SMARCA2: variants seen among roughly 807,000 people sequenced by gnomAD.
SMARCA2 encodes the protein SWI/SNF related BAF chromatin remodeling complex subunit ATPase 2, also known as SWI/SNF-related matrix-associated actin-dependent regulator of chromatin subfamily A member 2.
Under a neutral mutation model 199.8 loss-of-function variants are expected in SMARCA2, and 61 were observed. That is an observed-to-expected ratio of 0.31 (90% CI 0.25 to 0.38). SMARCA2 has a LOEUF of 0.38. SMARCA2 is among the 10% of genes least tolerant of loss of function. SMARCA2 has a pLI of 1.00. For missense variants in SMARCA2, 1,344 were observed against 2,012.2 expected, an observed-to-expected ratio of 0.67 and a Z score of 6.35; for synonymous variants, 935 against 732.0, an observed-to-expected ratio of 1.28 and a Z score of -4.48.
At chr9:2,132,066 C>G (rs1221245748) in intron 27 of SMARCA2, among the ~76,000 whole-genome samples, 1 of 152,074 alleles carries the variant, frequency 6.6e-6, no homozygotes, top group East Asian at 1.9e-4. Context: ...CTGCAATAAG[C>G]TCTCTGAGTT....
At chr9:2,067,142 C>T (rs564964400) in intron 9 of SMARCA2, among the ~76,000 whole-genome samples, 1 of 152,180 alleles carries the variant, frequency 6.6e-6, no homozygotes, top group African/African-American at 2.4e-5. Flanking sequence ...GGCATGCTTG[C>T]GAGGAAAGTC....
chr9:2,049,690 G>A (rs920010897), intron 5 of SMARCA2, among the ~76,000 whole-genome samples: 1 of 152,294 alleles, frequency 6.6e-6, no homozygotes, highest in East Asian at 1.9e-4. Context: ...TGGTTACAGA[G>A]CAATAGCTCT....
chr9:2,024,523 T>C (rs1818742901), intron 1 of SMARCA2, among the ~76,000 whole-genome samples: 1 of 152,216 alleles, frequency 6.6e-6, no homozygotes, highest in South Asian at 2.1e-4. Context: ...TTTCAGTTGA[T>C]GACATGGTCT....
chr9:2,144,047 CT>C (rs1242744598), intron 27 of SMARCA2, among the ~76,000 whole-genome samples: 1 of 151,850 alleles, frequency 6.6e-6, no homozygotes, highest in Non-Finnish European at 1.5e-5. Flanking sequence ...CGTACATACC[CT>C]TTTCATAGGG....
intron 27 of SMARCA2, among the ~76,000 whole-genome samples, chr9:2,150,473 G>A (rs7853899): frequency 0.74 from 112,341 of 151,076 alleles, 42,909 homozygotes; most frequent in Middle Eastern, 0.82. Flanking sequence ...TGATACAGAA[G>A]ATGGCAGCGC....
intron 13 of SMARCA2, among the ~76,000 whole-genome samples, 200 bp from the exon 14 acceptor site, chr9:2,077,429 G>A (rs1821376269): frequency 2.6e-5 from 4 of 152,150 alleles, no homozygotes; most frequent in South Asian, 2.1e-4. Context: ...ATAAAATGGG[G>A]ATGATCATCA....
At chr9:2,069,283 T>C (rs1291946990) in intron 9 of SMARCA2, among the ~76,000 whole-genome samples, 2 of 151,486 alleles carry the variant, frequency 1.3e-5, no homozygotes, top group African/African-American at 2.4e-5. Flanking sequence ...TGGACTAAGA[T>C]ATTGGGATAT....
intron 22 of SMARCA2, among the ~76,000 whole-genome samples, chr9:2,101,851 A>G (rs1306108814): frequency 2.0e-5 from 3 of 152,248 alleles, no homozygotes; most frequent in African/African-American, 7.2e-5. Context: ...TAATAGACTT[A>G]ATAGTATCCT....
At chr9:2,148,866 G>T (rs921724618) in intron 27 of SMARCA2, among the ~76,000 whole-genome samples, 3 of 151,244 alleles carry the variant, frequency 2.0e-5, no homozygotes. Context: ...TCTCTCCTGC[G>T]CAAATCCTTG....
intron 1 of SMARCA2, among the ~76,000 whole-genome samples, chr9:2,028,381 C>T (rs994936910): frequency 1.3e-5 from 2 of 152,188 alleles, no homozygotes; most frequent in African/African-American, 4.8e-5. Flanking sequence ...AAAGAAGAAA[C>T]ATTAAATAAC....
chr9:2,141,959 C>A (rs1257506149), intron 27 of SMARCA2, among the ~76,000 whole-genome samples: 2 of 152,140 alleles, frequency 1.3e-5, no homozygotes, highest in African/African-American at 4.8e-5. Context: ...TGAAGACAGC[C>A]TCCTGGGGGC....
At chr9:2,044,436 C>T (rs546151923) in intron 4 of SMARCA2, 1 of 152,234 alleles carries the variant, frequency 6.6e-6, no homozygotes, top group African/African-American at 2.4e-5. Context: ...AAGTTGCCAG[C>T]TAATATGGTA....
intron 19 of SMARCA2, among the ~76,000 whole-genome samples, 179 bp downstream of exon 19, chr9:2,088,792 G>A (rs953176480): frequency 4.6e-5 from 7 of 151,824 alleles, no homozygotes; most frequent in African/African-American, 1.7e-4. Context: ...GGAAATTATA[G>A]CATTTGCAGC....
At chr9:2,059,794 C>A (rs577259599) in intron 8 of SMARCA2, among the ~76,000 whole-genome samples, 5 of 152,184 alleles carry the variant, frequency 3.3e-5, no homozygotes, top group African/African-American at 1.2e-4. Flanking sequence ...AGAGTGACAC[C>A]CCTGGACAAA....
intron 28 of SMARCA2, among the ~76,000 whole-genome samples, chr9:2,168,469 A>G (rs1231437437): frequency 6.6e-6 from 1 of 152,188 alleles, no homozygotes; most frequent in Non-Finnish European, 1.5e-5. Flanking sequence ...AGGCCTACAT[A>G]TAATCAGCCC....
intron 24 of SMARCA2, among the ~76,000 whole-genome samples, chr9:2,111,229 G>C (rs1004675390): frequency 6.6e-6 from 1 of 151,928 alleles, no homozygotes; most frequent in Non-Finnish European, 1.5e-5. Flanking sequence ...GCTCATGCCT[G>C]TAATCCCAGG....
intron 19 of SMARCA2, among the ~76,000 whole-genome samples, chr9:2,095,462 G>A (rs560965866): frequency 7.2e-5 from 11 of 152,138 alleles, no homozygotes; most frequent in African/African-American, 2.6e-4. Context: ...AAAACACAAA[G>A]CCTGTATTAA....
chr9:2,187,675 T>TA (rs532066208), intron 32 of SMARCA2, among the ~76,000 whole-genome samples: 37 of 150,454 alleles, frequency 2.5e-4, no homozygotes, highest in East Asian at 5.8e-4. Context: ...AAACTCTATC[T>TA]AAAAAAAAAA....
intron 27 of SMARCA2, among the ~76,000 whole-genome samples, chr9:2,146,990 A>G (rs1288256500): frequency 6.6e-6 from 1 of 152,136 alleles, no homozygotes; most frequent in Non-Finnish European, 1.5e-5. Context: ...AATGCAGCCC[A>G]GTAGGTTTCA....
Sources: gnomAD v4.1 joint callset for allele counts (sites outside exome capture counted in the v4.1 genomes callset) on GRCh38, gnomAD v4.1.1 for gene constraint, MANE v1.5 for transcripts, NCBI Gene and HGNC (gene_info 2026-07-23, HGNC 2026-07-21) for gene names.